The following COG7 variants were observed in gnomAD, a reference collection of about 807,000 sequenced individuals.
COG7 encodes component of oligomeric golgi complex 7, also known as conserved oligomeric Golgi complex subunit 7.
In COG7, 49 loss-of-function variants were observed where a neutral mutation model predicts 91.5. That is an observed-to-expected ratio of 0.54 (90% CI 0.43 to 0.68). The LOEUF is 0.68. Among genes scored for constraint, COG7 ranks in the 30% least tolerant of loss-of-function variants. COG7 has a pLI of 0.00. For synonymous variants in COG7, 365 were observed against 388.7 expected (o/e 0.94, Z 0.72); for missense variants, 895 against 961.3 (o/e 0.93, Z 0.91).
Position 23,445,095 on chromosome 16 carries a change from T to C in COG7, c.388A>G (p.Lys130Glu). 6.2e-7 allele frequency: 1 copy of C among 1,614,188 alleles called. No homozygotes were observed. The highest frequency in any genetic ancestry group is 2.2e-5 in the East Asian group (1 of 44,884). ...ATATCGGCGCTCAACGTGCTCCACTTATCTGCTTCCTGAAGAGATTCGGCA... is the reference window on the plus strand; with the variant it reads ...ATATCGGCGCTCAACGTGCTCCACTCATCTGCTTCCTGAAGAGATTCGGCA... Reference protein sequence around the residue: ...LAAESLQEADKWSTLSADIEE... With the variant: ...LAAESLQEADEWSTLSADIEE... Residue 130 changes from lysine to glutamate, a missense_variant, in exon 3 of 17, where the codon AAG becomes GAG. By Grantham distance (56) the Lys-to-Glu change is moderately conservative. Coordinates refer to ENST00000307149, the MANE Select transcript of COG7 (RefSeq NM_153603.4).
At chr16:23,402,272 G>A (rs1040321958) in intron 13 of COG7, among the ~76,000 whole-genome samples, 6 of 152,042 alleles carry the variant, frequency 3.9e-5, no homozygotes, top group Admixed American at 6.6e-5. Context: ...AGAAAGAGAT[G>A]TCTGGGTTGC....
At chr16:23,445,745 A>G in intron 2 of COG7, 68 bp downstream of exon 2, 1 of 1,520,010 alleles carries the variant, frequency 6.6e-7, no homozygotes, top group African/African-American at 1.4e-5. Flanking sequence ...TAAAGCCCTT[A>G]CGAGAGTGAC....
chr16:23,425,300 ACT>A (rs1331173012), intron 6 of COG7, among the ~76,000 whole-genome samples: 1 of 152,020 alleles, frequency 6.6e-6, no homozygotes, highest in Non-Finnish European at 1.5e-5. Context: ...ACAGAGCGAG[ACT>A]CTGTCTCAAA....
chr16:23,398,254 G>T (rs1963317011), intron 13 of COG7, 125 bp from the exon 14 acceptor site: 1 of 770,072 alleles, frequency 1.3e-6, no homozygotes, highest in Non-Finnish European at 2.3e-6. Context: ...GGAGCTGACC[G>T]TTGGAGCCTC....
chr16:23,411,061 T>C (rs1159493229), intron 10 of COG7, among the ~76,000 whole-genome samples: 1 of 152,228 alleles, frequency 6.6e-6, no homozygotes, highest in African/African-American at 2.4e-5. Flanking sequence ...GCTAGATGCC[T>C]GCTAGTTTCC....
chr16:23,432,746 T>C (rs1044235237), intron 6 of COG7, among the ~76,000 whole-genome samples: 3 of 152,152 alleles, frequency 2.0e-5, no homozygotes, highest in Non-Finnish European at 4.4e-5. Flanking sequence ...CTCTCCTCAC[T>C]CCTAGTCAGG....
chr16:23,388,950 G>C lies in COG7; in HGVS notation c.2283C>G (p.Thr761=), dbSNP rs144814374. The C allele has an allele frequency of 6.2e-7, 1 of 1,614,156 alleles. No individual in the cohort carries two copies. The highest frequency in any genetic ancestry group is 2.2e-5 in the East Asian group (1 of 44,872). ...SKGLPRRLAT[T]VATMRSVNY is the part of the protein sequence containing the mutation. The stretch of plus-strand genomic sequence containing the variant: ...AATTCACACTCCGCATGGTGGCCAC[G>C]GTGGTGGCCAGGCGACGGGGCAGGC... Residue 761 remains threonine, a synonymous_variant, in exon 17 of 17, where the codon ACC becomes ACG. Coordinates refer to ENST00000307149, the MANE Select transcript of COG7 (RefSeq NM_153603.4).
At position 23,406,239 on chromosome 16, in the gene COG7, T is replaced by C. The variant is rs146603761; in HGVS notation, c.1499A>G (p.Tyr500Cys). ...CCGGGGGCTGCAGGAATCAGATAGA[T>C]ACTTCCCAGCTGTGGACAAAATCCT... ...ANRILSTAGK[Y>C]LSDSCSPRSL... The change falls in exon 12 of 17, where the codon TAT becomes TGT. Residue 500 changes from tyrosine (Y) to cysteine (C), a missense_variant. By Grantham distance (194) the Tyr-to-Cys change is radical. Transcript: ENST00000307149. 2.3e-4 allele frequency: 376 copies of C among 1,614,130 alleles called. No individual in the cohort carries two copies. Among genetic ancestry groups the C allele is most frequent in the Middle Eastern group, 1.7e-3 (10 of 6,060 alleles).
chr16:23,390,513 C>T (rs1420311907), intron 16 of COG7, among the ~76,000 whole-genome samples: 3 of 151,466 alleles, frequency 2.0e-5, no homozygotes, highest in Non-Finnish European at 4.4e-5. Flanking sequence ...GCCCCCCCAC[C>T]GGCTACTTTC....
chr16:23,433,716 T>C, intron 5 of COG7, 49 bp from the exon 6 acceptor site: 1 of 1,611,128 alleles, frequency 6.2e-7, no homozygotes, highest in Non-Finnish European at 8.5e-7. Context: ...CAACATAGGT[T>C]GCCTGTGAAC....
Position 23,388,837 on chromosome 16 carries a change from G to C in COG7, c.*83C>G. 1 of 1,605,180 alleles carries C rather than the reference G, an allele frequency of 6.2e-7. No homozygotes were observed. Among genetic ancestry groups the C allele is most frequent in the Non-Finnish European group, 8.5e-7 (1 of 1,176,720 alleles). On this transcript the variant is annotated 3_prime_UTR_variant, in exon 17 of 17. Transcript: ENST00000307149. ...TTTAAAGTAACTTCTGCCCAATCTT[G>C]GGCAGAGTTTCTGAGCAAATCTGTG...
intron 1 of COG7, among the ~76,000 whole-genome samples, chr16:23,449,881 G>A (rs1567350448): frequency 6.6e-6 from 1 of 151,898 alleles, no homozygotes; most frequent in Non-Finnish European, 1.5e-5. Context: ...TACATATAGA[G>A]CACCAAAAAG....
chr16:23,441,503 G>A (rs250559), intron 4 of COG7, among the ~76,000 whole-genome samples: 44,679 of 151,916 alleles, frequency 0.29, 7,547 homozygotes, highest in African/African-American at 0.47. Flanking sequence ...TGAGCCTGGG[G>A]GGCAGAGGCT....
At chr16:23,450,136 T>C (rs1229102819) in intron 1 of COG7, among the ~76,000 whole-genome samples, 2 of 152,020 alleles carry the variant, frequency 1.3e-5, no homozygotes, top group Non-Finnish European at 2.9e-5. Context: ...GGTTTCACCA[T>C]GTTGACCAGG....
intron 6 of COG7, among the ~76,000 whole-genome samples, chr16:23,426,601 GA>G (rs1963849429): frequency 6.6e-6 from 1 of 151,876 alleles, no homozygotes; most frequent in African/African-American, 2.4e-5. Context: ...AATTAATGCA[GA>G]AAATATATTT....
chr16:23,441,428 A>T (rs923611983), intron 4 of COG7, among the ~76,000 whole-genome samples: 6 of 152,172 alleles, frequency 3.9e-5, no homozygotes, highest in African/African-American at 1.4e-4. Context: ...TATAAAAATT[A>T]GCCAGGTGTG....
intron 11 of COG7, 57 bp from the exon 12 acceptor site, chr16:23,406,319 T>C (rs972536226): frequency 2.9e-5 from 42 of 1,448,802 alleles, no homozygotes; most frequent in South Asian, 1.1e-5. Context: ...ACTTTCTTCT[T>C]GGAGCAGTCA....
chr16:23,443,033 C>CAAA (rs11411846), intron 3 of COG7, among the ~76,000 whole-genome samples: 1 of 142,596 alleles, frequency 7.0e-6, no homozygotes, highest in African/African-American at 2.5e-5. Flanking sequence ...GACCCCGTCT[C>CAAA]AAAAAAAAAA....
chr16:23,443,661 C>T (rs929060743), intron 3 of COG7, among the ~76,000 whole-genome samples: 4 of 151,854 alleles, frequency 2.6e-5, no homozygotes, highest in Admixed American at 6.6e-5. Flanking sequence ...CACTGGACTC[C>T]GGCCTGGGCA....
Sources: gnomAD v4.1 joint callset for allele counts (sites outside exome capture counted in the v4.1 genomes callset) on GRCh38, gnomAD v4.1.1 for gene constraint, MANE v1.5 for transcripts, NCBI Gene and HGNC (gene_info 2026-07-23, HGNC 2026-07-21) for gene names.